The following SEC63 variants were observed in gnomAD, a reference collection of about 807,000 sequenced individuals.
The protein encoded by SEC63 is SEC63 protein translocation regulator, also known as translocation protein SEC63 homolog.
SEC63 carries 56 observed loss-of-function variants against 116.2 expected under a neutral mutation model. The observed-to-expected ratio is 0.48, with a 90% confidence interval of 0.39 to 0.60. SEC63 has a LOEUF of 0.60. Ranked by LOEUF, SEC63 falls within the 20% of genes least tolerant of loss-of-function variation. The pLI is 0.00. For synonymous variants in SEC63, 273 were observed against 294.6 expected (o/e 0.93, Z 0.75); for missense variants, 668 against 900.0 (o/e 0.74, Z 3.30).
At chr6:107,873,011 T>C in intron 19 of SEC63, 99 bp from the exon 20 acceptor site, 1 of 754,856 alleles carries the variant, frequency 1.3e-6, no homozygotes, top group Non-Finnish European at 2.4e-6. Context: ...CCAGGTTTTT[T>C]CTGCAGATGA....
intron 7 of SEC63, among the ~76,000 whole-genome samples, chr6:107,910,450 T>A (rs745501469): frequency 6.6e-6 from 1 of 152,200 alleles, no homozygotes; most frequent in South Asian, 2.1e-4. Flanking sequence ...AGCAAGACCT[T>A]GTCTCAAAAA....
chr6:107,951,881 G>A (rs1025765083), intron 1 of SEC63, among the ~76,000 whole-genome samples: 2 of 151,690 alleles, frequency 1.3e-5, no homozygotes, highest in African/African-American at 2.4e-5. Flanking sequence ...GCTGAGGCAG[G>A]AGAATGGGGT....
intron 1 of SEC63, among the ~76,000 whole-genome samples, chr6:107,949,605 C>G (rs1770540343): frequency 6.6e-6 from 1 of 151,900 alleles, no homozygotes; most frequent in African/African-American, 2.4e-5. Context: ...CTATAGAAAA[C>G]AAATAGCAAA....
intron 4 of SEC63, among the ~76,000 whole-genome samples, chr6:107,920,478 A>G (rs1313065722): frequency 1.3e-5 from 2 of 151,376 alleles, no homozygotes; most frequent in Non-Finnish European, 2.9e-5. Context: ...CGCTTAATAG[A>G]CTATGGTGTA....
rs1252301366 is a variant in SEC63 at position 107,881,016 on chromosome 6, T to C, written c.1935+133A>G. 3 of 698,276 alleles carry C rather than the reference T, an allele frequency of 4.3e-6. No individual in the cohort carries two copies. In the East Asian group the frequency reaches 7.9e-5, roughly 18 times the overall value. The allele number at this position is 698,276 out of a possible 1,614,324, so 43.3% of individuals were successfully genotyped here. ...CTATTGTAATATTCCCTTTTAAAAA[T>C]ATGGCCTCTCAGGATAGACCACATT... On this transcript the variant is annotated intron_variant, in intron 18 of 20. Transcript: ENST00000369002.
chr6:107,920,458 G>C (rs1254334492), intron 4 of SEC63, among the ~76,000 whole-genome samples: 1 of 147,244 alleles, frequency 6.8e-6, no homozygotes, highest in East Asian at 2.0e-4. Flanking sequence ...AAAGACATAA[G>C]GCTACTGCAC....
At chr6:107,876,463 T>C in intron 19 of SEC63, 101 bp downstream of exon 19, 3 of 793,090 alleles carry the variant, frequency 3.8e-6, no homozygotes. Context: ...GAATACAATA[T>C]GCTAAATATG....
intron 18 of SEC63, among the ~76,000 whole-genome samples, chr6:107,880,527 A>C (rs894421860): frequency 6.6e-6 from 1 of 152,240 alleles, no homozygotes; most frequent in African/African-American, 2.4e-5. Flanking sequence ...CTGCAATTAC[A>C]AAGTAAACAA....
At chr6:107,910,184 A>T (rs1011464195) in intron 7 of SEC63, among the ~76,000 whole-genome samples, 1 of 152,170 alleles carries the variant, frequency 6.6e-6, no homozygotes, top group Admixed American at 6.6e-5. Flanking sequence ...TATCTGTGTC[A>T]GCCAGGCATG....
intron 14 of SEC63, among the ~76,000 whole-genome samples, chr6:107,894,284 AAAT>A (rs1246884507): frequency 6.6e-6 from 1 of 152,238 alleles, no homozygotes; most frequent in African/African-American, 2.4e-5. Context: ...GTGATGTGCG[AAAT>A]AACAACAACA....
intron 1 of SEC63, among the ~76,000 whole-genome samples, chr6:107,929,805 A>G (rs1378368717): frequency 6.6e-6 from 1 of 152,256 alleles, no homozygotes; most frequent in African/African-American, 2.4e-5. Context: ...AGTCAGATAT[A>G]ATCAGTAATT....
At chr6:107,920,189 C>T (rs1227504153) in intron 4 of SEC63, among the ~76,000 whole-genome samples, 3 of 151,850 alleles carry the variant, frequency 2.0e-5, no homozygotes, top group South Asian at 4.1e-4. Context: ...TTTGGGAGGC[C>T]GAGGCGGGAG....
chr6:107,956,916 T>C (rs182860317), intron 1 of SEC63, among the ~76,000 whole-genome samples: 2 of 152,308 alleles, frequency 1.3e-5, no homozygotes, highest in African/African-American at 4.8e-5. Flanking sequence ...TCTTGTGCAA[T>C]AGAAAGCTTT....
intron 4 of SEC63, among the ~76,000 whole-genome samples, chr6:107,920,538 C>A (rs1294967264): frequency 2.0e-5 from 3 of 149,710 alleles, no homozygotes; most frequent in Non-Finnish European, 4.5e-5. Flanking sequence ...TTGTGACTCA[C>A]TTTATTGCAA....
chr6:107,885,500 G>C (rs923771937), intron 16 of SEC63, among the ~76,000 whole-genome samples: 1 of 152,138 alleles, frequency 6.6e-6, no homozygotes, highest in Non-Finnish European at 1.5e-5. Context: ...AAAAATTAGG[G>C]AAGATCCAAA....
chr6:107,927,816 CCATGCA>C (rs1451264533), intron 2 of SEC63, among the ~76,000 whole-genome samples: 3 of 152,238 alleles, frequency 2.0e-5, no homozygotes, highest in Middle Eastern at 3.4e-3. Flanking sequence ...ATACATCCTC[CCATGCA>C]CATTAGATCA....
chr6:107,921,796 C>G lies in SEC63; in HGVS notation c.452+1G>C. On this transcript the variant is annotated splice_donor_variant, in intron 4 of 20. Coordinates refer to ENST00000369002, the MANE Select transcript of SEC63 (RefSeq NM_007214.5). LOFTEE classifies it high-confidence loss of function. ...AATTTGTAATGGATCCTGATACTTA[C>G]GCAGCATAAGCTTTTGCTATCCTCA... 1.3e-6 allele frequency: 2 copies of G among 1,570,506 alleles called. No homozygotes were observed. Among genetic ancestry groups the G allele is most frequent in the South Asian group, 1.1e-5 (1 of 90,186 alleles).
Position 107,906,704 on chromosome 6 carries a change from C to T in SEC63, c.807G>A (p.Thr269=), listed in dbSNP as rs182467867. 5.7e-5 allele frequency: 92 copies of T among 1,613,802 alleles called. No homozygotes were observed. The East Asian group carries it at 1.3e-3, about 23-fold the overall frequency. The change falls in exon 9 of 21, where the codon ACG becomes ACA. Residue 269 remains threonine (T), a synonymous_variant. Coordinates refer to ENST00000369002, the MANE Select transcript of SEC63 (RefSeq NM_007214.5). ...TAACCTGTGGTATTAGAATATTATC[C>T]GTTGGTCTGCTTGTGGCATCTTTAT... The part of the protein sequence containing the change: ...QYNKDATSRP[T]DNILIPQLIR...
chr6:107,904,375 A>G (rs557613442), intron 11 of SEC63, among the ~76,000 whole-genome samples: 44 of 151,444 alleles, frequency 2.9e-4, no homozygotes, highest in African/African-American at 9.7e-4. Flanking sequence ...TTGTCACTGC[A>G]CTCCAGCCTG....
Sources: gnomAD v4.1 joint callset for allele counts (sites outside exome capture counted in the v4.1 genomes callset) on GRCh38, gnomAD v4.1.1 for gene constraint, MANE v1.5 for transcripts, NCBI Gene and HGNC (gene_info 2026-07-23, HGNC 2026-07-21) for gene names.